Variants in DOCK11 observed in about 807,000 individuals in gnomAD.
The protein encoded by DOCK11 is dedicator of cytokinesis 11.
Under a neutral mutation model 169.1 loss-of-function variants are expected in DOCK11, and 70 were observed. The observed-to-expected ratio is 0.41, with a 90% CI of 0.34 to 0.51. The LOEUF (loss-of-function observed/expected upper bound fraction) is 0.51. Ranked by LOEUF, DOCK11 falls within the 20% of genes least tolerant of loss-of-function variation. DOCK11 has a pLI of 0.10. For missense variants in DOCK11, 1,166 were observed against 1,538.8 expected (o/e 0.76, Z 4.05); for synonymous variants, 529 against 541.3 (o/e 0.98, Z 0.32).
At position 118,571,398 on chromosome X, in the gene DOCK11, C is replaced by T. The variant is rs144926820; in HGVS notation, c.1036-925C>T. Among the ~76,000 whole-genome samples, 421 of 108,030 alleles carry T rather than the reference C, an allele frequency of 3.9e-3. 3 individuals carry two copies. The highest frequency in any genetic ancestry group is 0.012 in the African/African-American group (362 of 29,487). The allele number at this position is 108,030 out of a possible 115,157, so 93.8% of individuals were successfully genotyped here. On this transcript the variant is annotated intron_variant, in intron 10 of 52. Coordinates refer to ENST00000276202, the MANE Select transcript of DOCK11 (RefSeq NM_144658.4). ...CAGGATCTCACTCTGTCACCCAGGT[C>T]GGAGTGCAGTGGCACCATCATAGCT...
chrX:118,601,745 C>T (rs995222873), intron 23 of DOCK11, among the ~76,000 whole-genome samples: 1 of 111,497 alleles, frequency 9.0e-6, no homozygotes, highest in Admixed American at 9.5e-5. Flanking sequence ...CTCTATATAA[C>T]CTTAGTGCTG....
intron 35 of DOCK11, chrX:118,632,942 C>T (rs2015282540): frequency 2.0e-5 from 1 of 50,905 alleles, no homozygotes; most frequent in African/African-American, 8.5e-5. Context: ...TTGTTGCTTC[C>T]TTAAGAGAGA....
intron 6 of DOCK11, among the ~76,000 whole-genome samples, chrX:118,556,076 G>T (rs1419455123): frequency 4.9e-5 from 5 of 102,822 alleles, no homozygotes; most frequent in African/African-American, 1.8e-4. Flanking sequence ...AGAGGATCTC[G>T]CTCTGTCTTC....
chrX:118,536,928 A>G (rs1220357071), intron 1 of DOCK11, among the ~76,000 whole-genome samples: 1 of 111,192 alleles, frequency 9.0e-6, no homozygotes, highest in Non-Finnish European at 1.9e-5. Flanking sequence ...TAGAGAAAGC[A>G]CTCTAGGCTC....
intron 24 of DOCK11, among the ~76,000 whole-genome samples, chrX:118,607,098 C>T (rs980986177): frequency 1.7e-4 from 15 of 87,593 alleles, no homozygotes; most frequent in Admixed American, 2.6e-4. Flanking sequence ...TTTCCCTTTT[C>T]TTTTCCTTTC....
rs148647496 is a variant in DOCK11 at position 118,669,027 on chromosome X, C to T, written c.5077-1996C>T. On this transcript the variant is annotated intron_variant, in intron 45 of 52. Transcript: ENST00000276202. Reference sequence around the variant, plus strand: ...AAGCTTTATGTGCCACATGAAGGAGCGTGTCCGTTGTTCTGTGAGTGATGC... The same window carrying T: ...AAGCTTTATGTGCCACATGAAGGAGTGTGTCCGTTGTTCTGTGAGTGATGC... 4.7e-4 allele frequency among the ~76,000 whole-genome samples: 52 copies of T among 111,637 alleles called. No homozygotes were observed. In the East Asian group the frequency reaches 0.012, roughly 27 times the overall value.
At chrX:118,648,484 ATATAT>A (rs1343138293) in intron 40 of DOCK11, among the ~76,000 whole-genome samples, 8 of 96,836 alleles carry the variant, frequency 8.3e-5, no homozygotes, top group African/African-American at 1.1e-4. Flanking sequence ...TTATATAATA[ATATAT>A]TATATTGATA....
At chrX:118,671,233 C>T (rs1034555090) in intron 46 of DOCK11, 88 bp downstream of exon 46, 17 of 852,112 alleles carry the variant, frequency 2.0e-5, no homozygotes, top group East Asian at 6.5e-5. Context: ...CACTATTATT[C>T]GACTTGTGTC....
rs370925788 is a variant in DOCK11 at position 118,542,811 on chromosome X, T to C, written c.189T>C (p.Asp63=). Residue 63 remains aspartate (D), a synonymous_variant, in exon 2 of 53, where the codon GAT becomes GAC. Coordinates refer to ENST00000276202, the MANE Select transcript of DOCK11 (RefSeq NM_144658.4). Reference sequence around the variant, plus strand: ...AGATTTACAGCGACCCCCTCCGAGATCTGCTTATGTTCCCAATGGAAGATA... The same window carrying C: ...AGATTTACAGCGACCCCCTCCGAGACCTGCTTATGTTCCCAATGGAAGATA... The part of the protein sequence containing the change: ...KTQIYSDPLR[D]LLMFPMEDIS... 1 of 1,206,347 alleles carries C rather than the reference T, an allele frequency of 8.3e-7. No homozygotes were observed. Among genetic ancestry groups the C allele is most frequent in the African/African-American group, 1.8e-5 (1 of 56,928 alleles).
At chrX:118,559,661 A>T (rs1351076383) in intron 6 of DOCK11, among the ~76,000 whole-genome samples, 1 of 110,821 alleles carries the variant, frequency 9.0e-6, no homozygotes, top group African/African-American at 3.3e-5. Flanking sequence ...AGGCAGAAGG[A>T]TCCCTTGAGC....
At chrX:118,531,836 G>C (rs1427921905) in intron 1 of DOCK11, among the ~76,000 whole-genome samples, 2 of 110,950 alleles carry the variant, frequency 1.8e-5, no homozygotes, top group Non-Finnish European at 3.8e-5. Flanking sequence ...TGTGATTAGA[G>C]GTGTTAGCCA....
chrX:118,610,332 G>C lies in DOCK11; in HGVS notation c.3010G>C (p.Ala1004Pro). 1 of 1,210,755 alleles carries C rather than the reference G, an allele frequency of 8.3e-7. No individual in the cohort carries two copies. Reference sequence around the variant, plus strand: ...TCATGTCTTACATTCACTGCTTCTTGCAATAATTCCCCATGTGACTATTCG... The same window carrying C: ...TCATGTCTTACATTCACTGCTTCTTCCAATAATTCCCCATGTGACTATTCG... ...YHHVLHSLLL[A>P]IIPHVTIRYA... Residue 1004 changes from alanine to proline, a missense_variant, in exon 28 of 53, where the codon GCA becomes CCA. Coordinates refer to ENST00000276202, the MANE Select transcript of DOCK11 (RefSeq NM_144658.4).
intron 1 of DOCK11, among the ~76,000 whole-genome samples, chrX:118,535,081 T>G (rs776103177): frequency 5.3e-5 from 6 of 112,420 alleles, no homozygotes; most frequent in Non-Finnish European, 1.1e-4. Context: ...GAAGGCAAGA[T>G]CTCACTTTGG....
intron 44 of DOCK11, 49 bp from the exon 45 acceptor site, chrX:118,662,637 C>G: frequency 1.4e-6 from 1 of 735,414 alleles, no homozygotes; most frequent in Non-Finnish European, 2.1e-6. Flanking sequence ...CTGTTATTTA[C>G]TAAATGCTTT....
chrX:118,576,449 G>C (rs759251271), intron 12 of DOCK11, among the ~76,000 whole-genome samples: 195 of 112,028 alleles, frequency 1.7e-3, no homozygotes, highest in African/African-American at 6.3e-3. Context: ...TGGGACAAAA[G>C]GTAAAACAAC....
At chrX:118,518,910 T>C (rs2057705839) in intron 1 of DOCK11, among the ~76,000 whole-genome samples, 1 of 111,814 alleles carries the variant, frequency 8.9e-6, no homozygotes, top group African/African-American at 3.3e-5. Context: ...AATTTCTGCT[T>C]AATTTTGCTG....
In DOCK11 at chrX:118,595,533, C is replaced by A. The variant is rs572858442; in HGVS notation, c.2264-1898C>A. Among the ~76,000 whole-genome samples, 4 of 111,407 alleles carry A rather than the reference C, an allele frequency of 3.6e-5. No individual in the cohort carries two copies. The South Asian group carries it at 1.5e-3, about 42-fold the overall frequency. ...ATCCCCATAGAAATTGCCGTTAGTTCAGGGTAGGGGCTTTGAGGATTGAGA... is the reference window on the plus strand; with the variant it reads ...ATCCCCATAGAAATTGCCGTTAGTTAAGGGTAGGGGCTTTGAGGATTGAGA... On this transcript the variant is annotated intron_variant, in intron 20 of 52. Coordinates refer to ENST00000276202, the MANE Select transcript of DOCK11 (RefSeq NM_144658.4).
chrX:118,578,412 C>T (rs2013519899), intron 12 of DOCK11, 113 bp from the exon 13 acceptor site: 1 of 859,029 alleles, frequency 1.2e-6, no homozygotes, highest in South Asian at 2.1e-5. Context: ...TTCTAGGGTC[C>T]TGGACATGAT....
At chrX:118,531,290 C>T (rs1487723090) in intron 1 of DOCK11, among the ~76,000 whole-genome samples, 1 of 104,700 alleles carries the variant, frequency 9.6e-6, no homozygotes, top group Non-Finnish European at 2.0e-5. Flanking sequence ...TTCATCTCTA[C>T]AAAAATAAAA....
Sources: gnomAD v4.1 joint callset for allele counts (sites outside exome capture counted in the v4.1 genomes callset) on GRCh38, gnomAD v4.1.1 for gene constraint, MANE v1.5 for transcripts, NCBI Gene and HGNC (gene_info 2026-07-23, HGNC 2026-07-21) for gene names.